MYT1L: variants seen among roughly 807,000 people sequenced by gnomAD.
MYT1L encodes myelin transcription factor 1-like protein.
A neutral mutation model predicts 126.7 loss-of-function variants in MYT1L; 12 were observed. That is an observed-to-expected ratio of 0.09 (90% confidence interval 0.06 to 0.15). The LOEUF (loss-of-function observed/expected upper bound fraction) is 0.15. MYT1L is among the 10% of genes least tolerant of loss of function. The probability of loss-of-function intolerance (pLI) is 1.00; values close to 1 mark genes in which losing one functional copy is unlikely to be tolerated. For synonymous variants in MYT1L, 541 were observed against 604.2 expected (o/e 0.90, Z 1.53); for missense variants, 979 against 1,585.2 (o/e 0.62, Z 6.49).
intron 2 of MYT1L, among the ~76,000 whole-genome samples, chr2:2,215,355 T>C (rs1329374561): frequency 1.3e-5 from 2 of 152,148 alleles, no homozygotes; most frequent in Non-Finnish European, 2.9e-5. Flanking sequence ...TGAAAAAAGA[T>C]ACATCATGCT....
At chr2:2,070,522 T>A (rs1280576174) in intron 3 of MYT1L, among the ~76,000 whole-genome samples, 5 of 152,204 alleles carry the variant, frequency 3.3e-5, no homozygotes. Context: ...TTGACTTTTG[T>A]TGCAAACCCT....
intron 21 of MYT1L, chr2:1,825,895 A>T (rs992354649): frequency 6.6e-6 from 1 of 152,212 alleles, no homozygotes; most frequent in African/African-American, 2.4e-5. Flanking sequence ...GGTCCTGTGA[A>T]CACAGTATAG....
chr2:1,872,239 C>T (rs1013026524), intron 18 of MYT1L, among the ~76,000 whole-genome samples: 21 of 152,310 alleles, frequency 1.4e-4, no homozygotes, highest in Middle Eastern at 6.8e-3. Flanking sequence ...CAGTCATCCA[C>T]CAGGGCATGA....
In MYT1L at chr2:2,004,296, T is replaced by TTCCTGCATGCGTTCTG. The variant is rs1558698206; in HGVS notation, c.-157-6950_-157-6949insCAGAACGCATGCAGGA. On this transcript the variant is annotated intron_variant, in intron 4 of 24. Transcript: ENST00000647738. ...AGGCGTTCTTTCCTGCATGCGTTCT[T>TTCCTGCATGCGTTCTG]TCCTGCATGCGTTCTTTCCTGCAGG... Among the ~76,000 whole-genome samples, 333 of 141,592 alleles carry TTCCTGCATGCGTTCTG rather than the reference T, an allele frequency of 2.4e-3. 34 individuals are homozygous for TTCCTGCATGCGTTCTG. Among genetic ancestry groups the TTCCTGCATGCGTTCTG allele is most frequent in the African/African-American group, 8.3e-3 (307 of 36,834 alleles). The allele number at this position is 141,592 out of a possible 152,430, so 92.9% of individuals were successfully genotyped here.
intron 3 of MYT1L, among the ~76,000 whole-genome samples, chr2:2,109,115 T>A (rs899327926): frequency 2.0e-5 from 3 of 152,360 alleles, no homozygotes; most frequent in South Asian, 2.1e-4. Context: ...TCCTCACAGA[T>A]CATTCCAATA....
intron 11 of MYT1L, among the ~76,000 whole-genome samples, chr2:1,913,873 C>T (rs887623772): frequency 6.6e-6 from 1 of 152,152 alleles, no homozygotes; most frequent in African/African-American, 2.4e-5. Context: ...CCATCTCAAT[C>T]ACATTTCTCA....
intron 9 of MYT1L, among the ~76,000 whole-genome samples, chr2:1,940,528 T>C (rs1002117195): frequency 6.7e-6 from 1 of 149,630 alleles, no homozygotes; most frequent in Non-Finnish European, 1.5e-5. Context: ...AGGTAGGTTA[T>C]CTCTCAACAT....
At chr2:2,207,140 A>T (rs2093350591) in intron 2 of MYT1L, among the ~76,000 whole-genome samples, 1 of 152,228 alleles carries the variant, frequency 6.6e-6, no homozygotes, top group Non-Finnish European at 1.5e-5. Context: ...CCAGAGGTTC[A>T]CAAGAACCCA....
At chr2:2,239,525 T>C (rs2094394890) in intron 2 of MYT1L, among the ~76,000 whole-genome samples, 1 of 152,226 alleles carries the variant, frequency 6.6e-6, no homozygotes, top group African/African-American at 2.4e-5. Context: ...TATGAGTTTG[T>C]TTGAAAGGAA....
chr2:2,165,117 G>A (rs996874957), intron 3 of MYT1L, among the ~76,000 whole-genome samples: 2 of 152,166 alleles, frequency 1.3e-5, no homozygotes, highest in Non-Finnish European at 2.9e-5. Flanking sequence ...GAGCTCACGG[G>A]CCTCCCCAGC....
In MYT1L at chr2:1,800,754, G is replaced by A. The variant is rs529505313; in HGVS notation, c.3276+942C>T. The stretch of plus-strand genomic sequence containing the variant: ...TGTGTTAGGAGGAGAGCATCATCAC[G>A]TAGATGGCTGGCGGTGACACCATCC... On this transcript the variant is annotated intron_variant, in intron 23 of 24. Transcript: ENST00000647738. Among the ~76,000 whole-genome samples, 5 of 152,090 alleles carry A rather than the reference G, an allele frequency of 3.3e-5. No individual in the cohort carries two copies. The East Asian group carries it at 7.7e-4, about 24-fold the overall frequency.
chr2:1,967,876 G>C (rs976506703), intron 8 of MYT1L, among the ~76,000 whole-genome samples: 1 of 152,166 alleles, frequency 6.6e-6, no homozygotes, highest in African/African-American at 2.4e-5. Flanking sequence ...GAGGGCAGGA[G>C]CCTAGACTCC....
intron 14 of MYT1L, among the ~76,000 whole-genome samples, chr2:1,899,487 G>A (rs1035416344): frequency 1.3e-5 from 2 of 152,226 alleles, no homozygotes; most frequent in African/African-American, 4.8e-5. Flanking sequence ...AGACACCCAA[G>A]TGGATGCTCA....
intron 2 of MYT1L, among the ~76,000 whole-genome samples, chr2:2,283,116 C>T (rs571610778): frequency 2.8e-4 from 42 of 152,130 alleles, no homozygotes; most frequent in African/African-American, 9.2e-4. Context: ...AAGATACATA[C>T]GATGCATAAG....
intron 5 of MYT1L, among the ~76,000 whole-genome samples, chr2:1,994,016 C>CA (rs1326870201): frequency 2.0e-5 from 3 of 152,214 alleles, no homozygotes; most frequent in Non-Finnish European, 2.9e-5. Context: ...CCCCTTTGCC[C>CA]ACCTTATCTG....
chr2:1,939,655 T>TAAACG (rs759652187), intron 9 of MYT1L, among the ~76,000 whole-genome samples: 66 of 152,364 alleles, frequency 4.3e-4, no homozygotes, highest in Non-Finnish European at 8.5e-4. Flanking sequence ...AAGCCTCCTT[T>TAAACG]TAATACATTA....
chr2:2,226,621 G>A (rs2094016912), intron 2 of MYT1L, among the ~76,000 whole-genome samples: 1 of 152,102 alleles, frequency 6.6e-6, no homozygotes, highest in Non-Finnish European at 1.5e-5. Context: ...AGGGCAAAGT[G>A]CAGCCTCCAA....
At chr2:2,165,217 T>C (rs1376453657) in intron 3 of MYT1L, among the ~76,000 whole-genome samples, 3 of 152,192 alleles carry the variant, frequency 2.0e-5, no homozygotes, top group Admixed American at 1.3e-4. Context: ...TGTAAGGAAA[T>C]GGATGCAGTA....
rs528342322 is a variant in MYT1L, at chr2:2,304,472, C to T, written c.-520-19969G>A. Among the ~76,000 whole-genome samples, 4 of 152,282 alleles carry T rather than the reference C, an allele frequency of 2.6e-5. No individual in the cohort carries two copies. In the South Asian group the frequency reaches 8.3e-4, roughly 32 times the overall value. On this transcript the variant is annotated intron_variant, in intron 1 of 24. Transcript: ENST00000647738. Reference sequence around the variant, plus strand: ...TCTCTCTATAGTCCACACCAAGTGTCTTGTCTGTGCTAATGATCCTCATCA... The same window carrying T: ...TCTCTCTATAGTCCACACCAAGTGTTTTGTCTGTGCTAATGATCCTCATCA...
Sources: allele counts gnomAD v4.1 joint callset (sites outside exome capture counted in the v4.1 genomes callset), GRCh38; gene constraint gnomAD v4.1.1; transcripts MANE v1.5; gene names NCBI Gene and HGNC (gene_info 2026-07-23, HGNC 2026-07-21).